The following SGCD variants were observed in gnomAD, a reference collection of about 807,000 sequenced individuals.
SGCD encodes the protein sarcoglycan delta, also known as delta-sarcoglycan.
Under a neutral mutation model 36.6 loss-of-function variants are expected in SGCD, and 18 were observed. The ratio of observed to expected loss-of-function variants is 0.49; its 90% CI spans 0.34 to 0.73. The LOEUF is 0.73. Among genes scored for constraint, SGCD ranks in the 30% least tolerant of loss-of-function variants. The probability of loss-of-function intolerance (pLI) is 0.01; values close to 1 mark genes in which losing one functional copy is unlikely to be tolerated. For missense variants in SGCD, 387 were observed against 346.7 expected, an observed-to-expected ratio of 1.12 and a Z score of -0.92; for synonymous variants, 133 against 130.6, an observed-to-expected ratio of 1.02 and a Z score of -0.12.
intron 3 of SGCD, among the ~76,000 whole-genome samples, chr5:156,413,006 C>T (rs1282559558): frequency 6.6e-6 from 1 of 151,704 alleles, no homozygotes; most frequent in Non-Finnish European, 1.5e-5. Context: ...ACCTTGTTAG[C>T]CAGGATGGTC....
chr5:156,403,877 C>G (rs1197424681), intron 3 of SGCD, among the ~76,000 whole-genome samples: 1 of 151,876 alleles, frequency 6.6e-6, no homozygotes, highest in African/African-American at 2.4e-5. Flanking sequence ...CTATGTCACC[C>G]ATGCTGGAGT....
intron 3 of SGCD, among the ~76,000 whole-genome samples, chr5:156,492,628 A>G (rs767179038): frequency 6.6e-6 from 1 of 152,146 alleles, no homozygotes; most frequent in African/African-American, 2.4e-5. Flanking sequence ...GGTTTGTTAC[A>G]TAGGTATACA....
chr5:156,137,465 G>A (rs1238207473), intron 3 of SGCD, among the ~76,000 whole-genome samples: 2 of 152,032 alleles, frequency 1.3e-5, no homozygotes, highest in Non-Finnish European at 2.9e-5. Context: ...ATTCCAGATG[G>A]TCAGTCAAAT....
chr5:156,646,460 T>A (rs1189014915), intron 6 of SGCD, among the ~76,000 whole-genome samples: 1 of 152,148 alleles, frequency 6.6e-6, no homozygotes, highest in African/African-American at 2.4e-5. Flanking sequence ...TAAGACCTTG[T>A]CCCTGCCTAC....
At chr5:155,888,149 T>C (rs1756048200) in intron 1 of SGCD, among the ~76,000 whole-genome samples, 1 of 152,214 alleles carries the variant, frequency 6.6e-6, no homozygotes, top group African/African-American at 2.4e-5. Flanking sequence ...TATCCCAGCT[T>C]CTACAAATCT....
chr5:156,272,101 A>G (rs1766196040), intron 3 of SGCD, among the ~76,000 whole-genome samples: 1 of 152,056 alleles, frequency 6.6e-6, no homozygotes, highest in Non-Finnish European at 1.5e-5. Context: ...CTGAGATGTT[A>G]GTGCACCCAT....
At chr5:156,209,007 A>G (rs1403449943) in intron 3 of SGCD, among the ~76,000 whole-genome samples, 2 of 152,062 alleles carry the variant, frequency 1.3e-5, no homozygotes, top group Non-Finnish European at 2.9e-5. Context: ...GGAGAGAGAT[A>G]CCCTCCTCTT....
intron 1 of SGCD, among the ~76,000 whole-genome samples, chr5:156,068,229 G>A (rs905549214): frequency 3.5e-4 from 53 of 150,870 alleles, no homozygotes; most frequent in Middle Eastern, 3.5e-3. Context: ...CCATTAACTC[G>A]TCATTTAGCA....
At chr5:156,619,195 T>C (rs1581266425) in intron 6 of SGCD, among the ~76,000 whole-genome samples, 1 of 152,150 alleles carries the variant, frequency 6.6e-6, no homozygotes, top group Non-Finnish European at 1.5e-5. Context: ...CCGGCTAATT[T>C]TTTGTATTTT....
chr5:156,615,191 GACA>G (rs1268494015), intron 6 of SGCD, among the ~76,000 whole-genome samples: 6 of 152,162 alleles, frequency 3.9e-5, no homozygotes, highest in African/African-American at 1.2e-4. Context: ...CATCTTCAGT[GACA>G]ACACCAGGGA....
chr5:155,901,769 T>G (rs2113339449), intron 1 of SGCD, among the ~76,000 whole-genome samples: 1 of 152,332 alleles, frequency 6.6e-6, no homozygotes, highest in Middle Eastern at 3.4e-3. Context: ...TACATTTGTA[T>G]TGCACTTATA....
chr5:156,366,974 C>T (rs1019163851), intron 3 of SGCD, among the ~76,000 whole-genome samples: 1 of 152,176 alleles, frequency 6.6e-6, no homozygotes, highest in African/African-American at 2.4e-5. Context: ...GATGCTTTCT[C>T]ATGTATTTTA....
rs115322556 is a variant in SGCD at position 155,924,268 on chromosome 5, C to A, written c.-282+53844C>A. On this transcript the variant is annotated intron_variant, in intron 1 of 9. Coordinates refer to the SGCD transcript ENST00000517913. ...CTCATCACTAATGCACAAAAGAAGA[C>A]AGAACAAGGAGGAGGAGGACCTGAA... is the stretch of plus-strand genomic sequence containing the variant. Among the ~76,000 whole-genome samples the A allele has an allele frequency of 9.4e-3, 1,435 of 152,248 alleles. 29 individuals are homozygous for A. The highest frequency in any genetic ancestry group is 0.033 in the African/African-American group (1,353 of 41,544).
the SGCD span, among the ~76,000 whole-genome samples, chr5:155,825,503 C>T: frequency 6.6e-6 from 1 of 152,138 alleles, no homozygotes; most frequent in African/African-American, 2.4e-5. Context: ...TTGGATTAGA[C>T]TGTGTGCTCC....
At chr5:156,586,591 T>C (rs1760504343) in intron 4 of SGCD, among the ~76,000 whole-genome samples, 1 of 152,262 alleles carries the variant, frequency 6.6e-6, no homozygotes, top group Admixed American at 6.5e-5. Context: ...TGTTCATTTA[T>C]ATTTGTATAG....
In SGCD at chr5:156,647,500, C is replaced by T; in HGVS notation, c.539C>T (p.Thr180Ile). ...EGTVFPKSIE[T>I]PNVRADPFKE... ...ACAGTGTTCCCTAAATCTATAGAAA[C>T]ACCTAATGTCAGGGCAGACCCCTTC... The change falls in exon 7 of 9, where the codon ACA (threonine) becomes ATA (isoleucine). Residue 180 changes from threonine (T) to isoleucine (I), a missense_variant. Physicochemically the swap from Thr to Ile is moderately conservative, Grantham distance 89. Transcript: ENST00000337851. 1.3e-6 allele frequency: 2 copies of T among 1,586,712 alleles called. No individual in the cohort carries two copies. Among genetic ancestry groups the T allele is most frequent in the South Asian group, 1.1e-5 (1 of 87,072 alleles).
chr5:156,418,210 G>A (rs1414524524), intron 3 of SGCD, among the ~76,000 whole-genome samples: 4 of 152,164 alleles, frequency 2.6e-5, no homozygotes. Context: ...TCATGGATGT[G>A]ATTGTGCTTT....
At chr5:156,150,601 A>T (rs1561540672) in intron 3 of SGCD, among the ~76,000 whole-genome samples, 1 of 151,678 alleles carries the variant, frequency 6.6e-6, no homozygotes, top group Non-Finnish European at 1.5e-5. Context: ...TTGACATTGA[A>T]TTAACACTTT....
chr5:155,927,487 T>G (rs1757014937), intron 1 of SGCD, among the ~76,000 whole-genome samples: 1 of 152,062 alleles, frequency 6.6e-6, no homozygotes, highest in Non-Finnish European at 1.5e-5. Flanking sequence ...TTTGCTTGGG[T>G]GACTGTGGAA....
Sources: allele counts gnomAD v4.1 joint callset (sites outside exome capture counted in the v4.1 genomes callset), GRCh38; gene constraint gnomAD v4.1.1; transcripts MANE v1.5; gene names NCBI Gene and HGNC (gene_info 2026-07-23, HGNC 2026-07-21).